Variants in ROR1 observed in about 807,000 individuals in gnomAD.
ROR1 encodes the protein inactive tyrosine-protein kinase transmembrane receptor ROR1.
In ROR1, 19 loss-of-function variants were observed where a neutral mutation model predicts 78.8. The observed-to-expected ratio is 0.24, with a 90% CI of 0.17 to 0.35. ROR1 has a LOEUF of 0.35. Among genes scored for constraint, ROR1 ranks in the 10% least tolerant of loss-of-function variants. The probability of loss-of-function intolerance (pLI) is 1.00; values close to 1 mark genes in which losing one functional copy is unlikely to be tolerated. For synonymous variants in ROR1, 386 were observed against 433.6 expected, an observed-to-expected ratio of 0.89 and a Z score of 1.36; for missense variants, 917 against 1,177.8, an observed-to-expected ratio of 0.78 and a Z score of 3.24.
chr1:63,818,116 G>C (rs1644903173), intron 1 of ROR1, among the ~76,000 whole-genome samples: 1 of 152,176 alleles, frequency 6.6e-6, no homozygotes, highest in Non-Finnish European at 1.5e-5. Flanking sequence ...AGTATCTGTA[G>C]CCAGTGAGTA....
intron 1 of ROR1, among the ~76,000 whole-genome samples, chr1:63,844,691 G>A (rs1299775648): frequency 1.3e-5 from 2 of 152,160 alleles, no homozygotes; most frequent in Admixed American, 6.5e-5. Flanking sequence ...TAGGAGTCCA[G>A]TGTAGGGAGT....
chr1:64,022,256 T>G (rs1392120216), intron 2 of ROR1, among the ~76,000 whole-genome samples: 1 of 152,142 alleles, frequency 6.6e-6, no homozygotes, highest in Non-Finnish European at 1.5e-5. Flanking sequence ...AAGGGAGCAA[T>G]TGCTTTATAG....
intron 1 of ROR1, among the ~76,000 whole-genome samples, chr1:63,956,303 C>G (rs1645981602): frequency 6.6e-6 from 1 of 152,066 alleles, no homozygotes; most frequent in East Asian, 1.9e-4. Flanking sequence ...CAGCAGAGCT[C>G]ATTTCTAAAG....
At chr1:63,889,243 C>T (rs1427132689) in intron 1 of ROR1, among the ~76,000 whole-genome samples, 1 of 148,054 alleles carries the variant, frequency 6.8e-6, no homozygotes, top group African/African-American at 2.7e-5. Context: ...TCACTTCTAC[C>T]ATATACTATT....
At chr1:63,959,196 A>G (rs1646007767) in intron 1 of ROR1, among the ~76,000 whole-genome samples, 1 of 152,216 alleles carries the variant, frequency 6.6e-6, no homozygotes, top group East Asian at 1.9e-4. Context: ...AGCCCCTTAT[A>G]AAACCATCAG....
chr1:63,924,248 G>C (rs1164547525), intron 1 of ROR1, among the ~76,000 whole-genome samples: 1 of 152,042 alleles, frequency 6.6e-6, no homozygotes, highest in Non-Finnish European at 1.5e-5. Flanking sequence ...TCATGTATTT[G>C]TTGACAGTTT....
intron 1 of ROR1, among the ~76,000 whole-genome samples, chr1:63,966,765 C>T (rs1251002717): frequency 6.6e-6 from 1 of 152,184 alleles, no homozygotes; most frequent in South Asian, 2.1e-4. Context: ...TTTAGCTTTC[C>T]TTTCAACTGA....
chr1:63,890,760 T>C (rs564036813), intron 1 of ROR1, among the ~76,000 whole-genome samples: 2 of 152,184 alleles, frequency 1.3e-5, no homozygotes, highest in East Asian at 3.9e-4. Flanking sequence ...GCCTGGTCCA[T>C]TTTGGAGCAA....
chr1:63,839,709 G>A (rs571330963), intron 1 of ROR1, among the ~76,000 whole-genome samples: 1 of 152,046 alleles, frequency 6.6e-6, no homozygotes, highest in East Asian at 1.9e-4. Flanking sequence ...ATCCATAAAT[G>A]TAATCATCTT....
chr1:64,085,817 G>A (rs976429221), intron 4 of ROR1, among the ~76,000 whole-genome samples: 12 of 152,040 alleles, frequency 7.9e-5, no homozygotes, highest in Non-Finnish European at 1.5e-4. Context: ...AAAACCATGT[G>A]CTCAGCAGCC....
chr1:63,876,297 AT>A (rs1243462473), intron 1 of ROR1, among the ~76,000 whole-genome samples: 1 of 152,186 alleles, frequency 6.6e-6, no homozygotes, highest in African/African-American at 2.4e-5. Context: ...TTCATAAAAA[AT>A]GTGTGACTGA....
At chr1:64,080,765 C>T (rs1647094993) in intron 4 of ROR1, among the ~76,000 whole-genome samples, 1 of 152,142 alleles carries the variant, frequency 6.6e-6, no homozygotes, top group Non-Finnish European at 1.5e-5. Flanking sequence ...CCACATGGTG[C>T]CCTTCATTTG....
Position 64,057,079 on chromosome 1 carries a change from C to T in ROR1, c.482+6363C>T, listed in dbSNP as rs376233598. 1.2e-3 allele frequency among the ~76,000 whole-genome samples: 177 copies of T among 152,240 alleles called. 1 individual carries two copies. The highest frequency in any genetic ancestry group is 4.0e-3 in the African/African-American group (165 of 41,558). ...TTTGAAAACCATCGCCTGATGCAAG[C>T]GTACAAAGATTTACTCCTCTGTTTT... On this transcript the variant is annotated intron_variant, in intron 4 of 8. Coordinates refer to ENST00000371079, the MANE Select transcript of ROR1 (RefSeq NM_005012.4).
intron 1 of ROR1, among the ~76,000 whole-genome samples, chr1:63,920,195 G>C (rs855814): frequency 0.85 from 129,943 of 152,148 alleles, 55,973 homozygotes; most frequent in East Asian, 0.99. Flanking sequence ...TGCTTTGGTG[G>C]AATATTTGGT....
At chr1:64,160,706 A>G (rs1444103228) in intron 8 of ROR1, among the ~76,000 whole-genome samples, 1 of 152,236 alleles carries the variant, frequency 6.6e-6, no homozygotes, top group African/African-American at 2.4e-5. Flanking sequence ...CACCTAGTTG[A>G]CCTGGCAGAT....
chr1:64,051,393 T>C (rs910118074), intron 4 of ROR1, among the ~76,000 whole-genome samples: 3 of 150,752 alleles, frequency 2.0e-5, no homozygotes, highest in African/African-American at 7.3e-5. Flanking sequence ...GAGCTTGCAG[T>C]GAGCCCAGAT....
intron 1 of ROR1, among the ~76,000 whole-genome samples, chr1:63,822,121 C>T (rs1488172955): frequency 6.6e-6 from 1 of 152,222 alleles, no homozygotes; most frequent in Admixed American, 6.5e-5. Flanking sequence ...ACGTGCCCAG[C>T]ACTGTGCTTG....
intron 1 of ROR1, among the ~76,000 whole-genome samples, chr1:63,844,736 C>A (rs141576845): frequency 6.6e-6 from 1 of 151,938 alleles, no homozygotes; most frequent in South Asian, 2.1e-4. Flanking sequence ...AGTGAGGAAG[C>A]CTGTTTAAAG....
chr1:64,156,690 A>G (rs1649781392), intron 7 of ROR1, among the ~76,000 whole-genome samples: 1 of 134,402 alleles, frequency 7.4e-6, no homozygotes, highest in Non-Finnish European at 1.6e-5. Context: ...CTGGTGACAG[A>G]GCGAGACTCC....
Sources: allele counts gnomAD v4.1 joint callset (sites outside exome capture counted in the v4.1 genomes callset), GRCh38; gene constraint gnomAD v4.1.1; transcripts MANE v1.5; gene names NCBI Gene and HGNC (gene_info 2026-07-23, HGNC 2026-07-21).